The following SLC9A9 variants were observed in gnomAD, a reference collection of about 807,000 sequenced individuals.
The protein encoded by SLC9A9 is sodium/hydrogen exchanger 9.
SLC9A9 carries 62 observed loss-of-function variants against 77.8 expected under a neutral mutation model. That is an observed-to-expected ratio of 0.80 (90% confidence interval 0.65 to 0.98). The LOEUF (loss-of-function observed/expected upper bound fraction) is 0.98, where lower values mean the gene tolerates loss of function less well. Ranked by LOEUF, SLC9A9 falls within the 50% of genes least tolerant of loss-of-function variation. SLC9A9 has a pLI of 0.00. For missense variants in SLC9A9, 775 were observed against 774.9 expected (o/e 1.00, Z 0.00); for synonymous variants, 320 against 283.5 (o/e 1.13, Z -1.29).
chr3:143,674,039 A>G (rs2039199450), intron 5 of SLC9A9, among the ~76,000 whole-genome samples: 1 of 152,220 alleles, frequency 6.6e-6, no homozygotes, highest in African/African-American at 2.4e-5. Flanking sequence ...AAAATCCAAT[A>G]AAGTGCCTGA....
intron 8 of SLC9A9, among the ~76,000 whole-genome samples, chr3:143,562,494 A>C (rs987704696): frequency 1.1e-4 from 16 of 152,122 alleles, no homozygotes; most frequent in Admixed American, 7.2e-4. Flanking sequence ...ATAAATACAC[A>C]TGAATTAATT....
In SLC9A9 at chr3:143,814,253, C is replaced by A. The variant is rs147286728; in HGVS notation, c.379-17350G>T. ...GCTTCTGCTCACTAAGTTGGAGGTG[C>A]CTGTACGTCACTCAGAAATATGTGC... On this transcript the variant is annotated intron_variant, in intron 2 of 15. Transcript: ENST00000316549. Among the ~76,000 whole-genome samples the A allele has an allele frequency of 3.4e-3, 517 of 152,216 alleles. 4 individuals are homozygous for A. Among genetic ancestry groups the A allele is most frequent in the African/African-American group, 0.012 (489 of 41,540 alleles).
intron 6 of SLC9A9, among the ~76,000 whole-genome samples, chr3:143,595,806 T>G (rs772812172): frequency 2.6e-5 from 4 of 152,236 alleles, no homozygotes; most frequent in Non-Finnish European, 5.9e-5. Flanking sequence ...TAATCCCCGA[T>G]CTGGCACTGT....
chr3:143,616,163 A>G (rs1420650224), intron 6 of SLC9A9, among the ~76,000 whole-genome samples: 1 of 151,864 alleles, frequency 6.6e-6, no homozygotes, highest in Non-Finnish European at 1.5e-5. Context: ...GATTATAGGC[A>G]TGAGCCACTG....
chr3:143,793,036 T>G (rs146234164), intron 4 of SLC9A9, among the ~76,000 whole-genome samples: 86 of 152,314 alleles, frequency 5.6e-4, no homozygotes, highest in African/African-American at 2.0e-3. Flanking sequence ...CTACAAATTT[T>G]TGTTGCTCAG....
At chr3:143,845,561 G>A (rs571017001) in intron 1 of SLC9A9, among the ~76,000 whole-genome samples, 1 of 152,264 alleles carries the variant, frequency 6.6e-6, no homozygotes, top group East Asian at 1.9e-4. Flanking sequence ...AGTAAGACAT[G>A]CAGATGAGTG....
chr3:143,390,836 C>T (rs555508913), intron 12 of SLC9A9, among the ~76,000 whole-genome samples: 2 of 152,214 alleles, frequency 1.3e-5, no homozygotes, highest in Non-Finnish European at 2.9e-5. Context: ...CCCACACCCA[C>T]AGAGCCTCAC....
At chr3:143,364,723 T>C (rs1041657755) in intron 13 of SLC9A9, among the ~76,000 whole-genome samples, 95 of 152,340 alleles carry the variant, frequency 6.2e-4, no homozygotes, top group African/African-American at 2.2e-3. Flanking sequence ...GAAAGCAAAG[T>C]GTGCTTCACT....
intron 6 of SLC9A9, among the ~76,000 whole-genome samples, chr3:143,618,216 T>C (rs2038140285): frequency 6.6e-6 from 1 of 152,122 alleles, no homozygotes; most frequent in Admixed American, 6.5e-5. Context: ...AGTCCTAAAG[T>C]CAATAATGCA....
At chr3:143,816,520 A>G (rs2009022155) in intron 2 of SLC9A9, among the ~76,000 whole-genome samples, 1 of 152,220 alleles carries the variant, frequency 6.6e-6, no homozygotes, top group South Asian at 2.1e-4. Flanking sequence ...GATCTCATCC[A>G]TTCACTTAAA....
At chr3:143,747,337 G>T (rs1039340344) in intron 4 of SLC9A9, among the ~76,000 whole-genome samples, 1 of 151,666 alleles carries the variant, frequency 6.6e-6, no homozygotes, top group African/African-American at 2.4e-5. Flanking sequence ...CTGGAAGGTG[G>T]GGGTTGCAGT....
intron 14 of SLC9A9, among the ~76,000 whole-genome samples, chr3:143,291,725 CACTTT>C (rs1436699134): frequency 2.0e-5 from 3 of 152,334 alleles, no homozygotes; most frequent in Admixed American, 6.5e-5. Context: ...TTTGCAGCAT[CACTTT>C]ACTTTTAGTT....
intron 4 of SLC9A9, among the ~76,000 whole-genome samples, chr3:143,757,826 G>C (rs1413813592): frequency 6.6e-6 from 1 of 152,066 alleles, no homozygotes; most frequent in Non-Finnish European, 1.5e-5. Context: ...CACTGGATTA[G>C]AAAGGGGGGT....
intron 6 of SLC9A9, among the ~76,000 whole-genome samples, chr3:143,605,903 T>C (rs1253927027): frequency 6.6e-6 from 1 of 152,136 alleles, no homozygotes; most frequent in Non-Finnish European, 1.5e-5. Flanking sequence ...ATAACAATGT[T>C]TTAAACACAT....
In SLC9A9 at chr3:143,348,083, C is replaced by T. The variant is rs148614704; in HGVS notation, c.1604+15401G>A. Among the ~76,000 whole-genome samples the T allele has an allele frequency of 4.7e-3, 705 of 151,484 alleles. 8 individuals are homozygous for T. Among genetic ancestry groups the T allele is most frequent in the African/African-American group, 0.016 (669 of 41,214 alleles). ...GGCTGGAGTGCAGTGGTACGATCTC[C>T]GCTCACTGCAACCTCCACCTCCCAG... On this transcript the variant is annotated intron_variant, in intron 14 of 15. Coordinates refer to ENST00000316549, the MANE Select transcript of SLC9A9 (RefSeq NM_173653.4).
chr3:143,664,721 A>G (rs975785567), intron 5 of SLC9A9, among the ~76,000 whole-genome samples: 2 of 152,236 alleles, frequency 1.3e-5, no homozygotes, highest in African/African-American at 4.8e-5. Context: ...ACCAACAAAG[A>G]TCAAAAGAGA....
At chr3:143,407,482 A>G (rs1011551496) in intron 12 of SLC9A9, among the ~76,000 whole-genome samples, 5 of 152,244 alleles carry the variant, frequency 3.3e-5, no homozygotes, top group Admixed American at 6.5e-5. Context: ...CAGTTATTGA[A>G]TAAAAACTTT....
chr3:143,553,248 G>C (rs770166586), intron 8 of SLC9A9, among the ~76,000 whole-genome samples: 2 of 152,172 alleles, frequency 1.3e-5, no homozygotes, highest in Non-Finnish European at 2.9e-5. Context: ...GCGACCATGA[G>C]ACCGACATGC....
chr3:143,365,078 C>G (rs1204389533), intron 13 of SLC9A9, among the ~76,000 whole-genome samples: 5 of 152,170 alleles, frequency 3.3e-5, no homozygotes, highest in Non-Finnish European at 5.9e-5. Flanking sequence ...CATATATACC[C>G]TGGAATAATA....
Sources: gnomAD v4.1 joint callset for allele counts (sites outside exome capture counted in the v4.1 genomes callset) on GRCh38, gnomAD v4.1.1 for gene constraint, MANE v1.5 for transcripts, NCBI Gene and HGNC (gene_info 2026-07-23, HGNC 2026-07-21) for gene names.